The following PCSK5 variants were observed in gnomAD, a reference collection of about 807,000 sequenced individuals.
The protein encoded by PCSK5 is proprotein convertase subtilisin/kexin type 5.
PCSK5 carries 129 observed loss-of-function variants against 233.2 expected under a neutral mutation model. The observed-to-expected ratio is 0.55, with a 90% CI of 0.48 to 0.64. PCSK5 has a LOEUF of 0.64. Ranked by LOEUF, PCSK5 falls within the 30% of genes least tolerant of loss-of-function variation. The pLI, the probability that PCSK5 is intolerant of heterozygous loss-of-function variation, is 0.00. For missense variants in PCSK5, 2,076 were observed against 2,430.1 expected (o/e 0.85, Z 3.06); for synonymous variants, 825 against 879.2 (o/e 0.94, Z 1.09).
chr9:76,280,548 C>T (rs1188364351), intron 24 of PCSK5, among the ~76,000 whole-genome samples: 1 of 152,064 alleles, frequency 6.6e-6, no homozygotes, highest in Non-Finnish European at 1.5e-5. Context: ...TAGAGACCAG[C>T]CTGGGCAACA....
At chr9:76,064,500 CG>C (rs1444208701) in intron 5 of PCSK5, among the ~76,000 whole-genome samples, 1 of 142,906 alleles carries the variant, frequency 7.0e-6, no homozygotes, top group Non-Finnish European at 1.5e-5. Flanking sequence ...GCTGGCCGGG[CG>C]GGGGGCTGAA....
intron 2 of PCSK5, among the ~76,000 whole-genome samples, chr9:75,967,310 A>G (rs768400354): frequency 6.6e-6 from 1 of 151,982 alleles, no homozygotes; most frequent in Non-Finnish European, 1.5e-5. Flanking sequence ...TGAGTACCCA[A>G]TGTTTAGCTC....
At chr9:76,085,217 G>A (rs1831015960) in intron 7 of PCSK5, among the ~76,000 whole-genome samples, 1 of 152,184 alleles carries the variant, frequency 6.6e-6, no homozygotes, top group African/African-American at 2.4e-5. Context: ...CTACAACAAA[G>A]ATCTTCTCTG....
intron 1 of PCSK5, among the ~76,000 whole-genome samples, chr9:75,898,019 A>G (rs1825882582): frequency 6.6e-6 from 1 of 152,248 alleles, no homozygotes; most frequent in Non-Finnish European, 1.5e-5. Flanking sequence ...ACATGCCTTT[A>G]TATGCCTTTC....
chr9:76,068,144 A>C, intron 6 of PCSK5, 101 bp downstream of exon 6: 3 of 793,160 alleles, frequency 3.8e-6, no homozygotes, highest in Non-Finnish European at 6.6e-6. Flanking sequence ...ACGATTGGGC[A>C]TATCTCTACC....
intron 22 of PCSK5, among the ~76,000 whole-genome samples, chr9:76,238,258 T>C (rs1826312605): frequency 6.6e-6 from 1 of 152,252 alleles, no homozygotes; most frequent in South Asian, 2.1e-4. Flanking sequence ...TGATGCTTTG[T>C]AACTAGTTAG....
intron 20 of PCSK5, among the ~76,000 whole-genome samples, chr9:76,223,968 T>A (rs1405481869): frequency 2.0e-5 from 3 of 152,198 alleles, no homozygotes; most frequent in African/African-American, 7.2e-5. Context: ...CTTATGTAAC[T>A]AATTAAACAT....
intron 20 of PCSK5, among the ~76,000 whole-genome samples, chr9:76,196,636 G>C (rs1824715427): frequency 6.6e-6 from 1 of 152,196 alleles, no homozygotes; most frequent in Admixed American, 6.5e-5. Context: ...AGCCTCTACT[G>C]CTTTGAAGTC....
chr9:76,087,715 ATAACT>A (rs1296902450), intron 7 of PCSK5, among the ~76,000 whole-genome samples: 1 of 152,240 alleles, frequency 6.6e-6, no homozygotes, highest in East Asian at 1.9e-4. Context: ...ACTGCATCTG[ATAACT>A]TCAGTGCATC....
chr9:76,353,706 C>T (rs1830225162), intron 36 of PCSK5, among the ~76,000 whole-genome samples: 1 of 152,228 alleles, frequency 6.6e-6, no homozygotes, highest in African/African-American at 2.4e-5. Context: ...TGAAAGTCAA[C>T]AGTGTGGGCC....
At chr9:76,174,957 A>T (rs1000112633) in intron 13 of PCSK5, 29 bp from the exon 14 acceptor site, 1 of 1,569,056 alleles carries the variant, frequency 6.4e-7, no homozygotes, top group Middle Eastern at 1.7e-4. Flanking sequence ...AAATTTGGTC[A>T]TGCTGTGATT....
At chr9:76,012,762 T>C (rs1020007101) in intron 3 of PCSK5, among the ~76,000 whole-genome samples, 2 of 152,178 alleles carry the variant, frequency 1.3e-5, no homozygotes, top group South Asian at 4.1e-4. Context: ...GAAAGCAAAG[T>C]TGAATTCAGA....
chr9:75,896,565 G>A (rs1825815355), intron 1 of PCSK5, among the ~76,000 whole-genome samples: 1 of 152,172 alleles, frequency 6.6e-6, no homozygotes, highest in Admixed American at 6.5e-5. Flanking sequence ...TACCAAGGCT[G>A]AAGTATCTCC....
Position 76,189,238 on chromosome 9 carries a change from C to A in PCSK5, c.2510+15C>A, listed in dbSNP as rs1824250358. On this transcript the variant is annotated intron_variant, in intron 19 of 37. Coordinates refer to ENST00000674117, the MANE Select transcript of PCSK5 (RefSeq NM_001372043.1). ...TCCTGCAAAAAGTAAGTGGATCTGC[C>A]CCCTGGGCCCTAGCATTTAGACCTA... 1 of 1,609,140 alleles carries A rather than the reference C, an allele frequency of 6.2e-7. No individual in the cohort carries two copies. The highest frequency in any genetic ancestry group is 1.1e-5 in the South Asian group (1 of 90,260).
At chr9:75,935,420 A>G (rs1454473019) in intron 2 of PCSK5, among the ~76,000 whole-genome samples, 1 of 152,202 alleles carries the variant, frequency 6.6e-6, no homozygotes, top group Non-Finnish European at 1.5e-5. Context: ...TTTTCTGAAC[A>G]TTTGGGATCA....
intron 1 of PCSK5, among the ~76,000 whole-genome samples, chr9:75,914,360 G>A (rs1228726892): frequency 1.3e-5 from 2 of 152,140 alleles, no homozygotes; most frequent in South Asian, 2.1e-4. Context: ...TTACTATTAG[G>A]AAGAGTGTGT....
intron 2 of PCSK5, among the ~76,000 whole-genome samples, chr9:75,962,217 G>T (rs1825384236): frequency 6.6e-6 from 1 of 152,102 alleles, no homozygotes; most frequent in African/African-American, 2.4e-5. Context: ...GAGCATGGGT[G>T]GTTTCTCAGA....
chr9:76,299,435 G>T (rs1221428915), intron 27 of PCSK5, among the ~76,000 whole-genome samples: 1 of 152,132 alleles, frequency 6.6e-6, no homozygotes, highest in Non-Finnish European at 1.5e-5. Context: ...TTGGGAGGCC[G>T]AGGCGGGTGG....
chr9:76,195,504 A>T (rs989966887), intron 20 of PCSK5: 15 of 152,190 alleles, frequency 9.9e-5, no homozygotes, highest in African/African-American at 3.4e-4. Context: ...TTTAACTACT[A>T]GTGTGTTACT....
Sources: allele counts gnomAD v4.1 joint callset (sites outside exome capture counted in the v4.1 genomes callset), GRCh38; gene constraint gnomAD v4.1.1; transcripts MANE v1.5; gene names NCBI Gene and HGNC (gene_info 2026-07-23, HGNC 2026-07-21).